The following TBC1D22A variants were observed in gnomAD, a reference collection of about 807,000 sequenced individuals.
The protein encoded by TBC1D22A is TBC1 domain family member 22A, also known as putative GTPase activator.
A neutral mutation model predicts 60.2 loss-of-function variants in TBC1D22A; 38 were observed. The ratio of observed to expected loss-of-function variants is 0.63; its 90% CI spans 0.49 to 0.83. TBC1D22A has a LOEUF of 0.83. Ranked by LOEUF, TBC1D22A falls within the 40% of genes least tolerant of loss-of-function variation. The probability of loss-of-function intolerance (pLI) is 0.00; values close to 1 mark genes in which losing one functional copy is unlikely to be tolerated. For missense variants in TBC1D22A, 628 were observed against 701.0 expected, an observed-to-expected ratio of 0.90 and a Z score of 1.18; for synonymous variants, 302 against 281.7, an observed-to-expected ratio of 1.07 and a Z score of -0.72.
intron 11 of TBC1D22A, among the ~76,000 whole-genome samples, chr22:47,064,708 T>A (rs2063696354): frequency 1.3e-5 from 2 of 152,194 alleles, no homozygotes; most frequent in Non-Finnish European, 2.9e-5. Flanking sequence ...CCTAGGGGCA[T>A]CTGGGTATTC....
At chr22:46,878,340 G>A (rs1175414747) in intron 4 of TBC1D22A, among the ~76,000 whole-genome samples, 11 of 150,752 alleles carry the variant, frequency 7.3e-5, no homozygotes, top group East Asian at 1.9e-4. Flanking sequence ...AGAAGGAGGT[G>A]GGAGGGAAGG....
chr22:47,169,973 C>G (rs2068368291), intron 12 of TBC1D22A, among the ~76,000 whole-genome samples: 1 of 152,212 alleles, frequency 6.6e-6, no homozygotes, highest in African/African-American at 2.4e-5. Context: ...GATGGCTTCG[C>G]CCGTGGTGGC....
intron 12 of TBC1D22A, among the ~76,000 whole-genome samples, chr22:47,171,841 G>C (rs548108336): frequency 6.6e-6 from 1 of 152,106 alleles, no homozygotes; most frequent in African/African-American, 2.4e-5. Flanking sequence ...TCCGCATCCC[G>C]GCCTCCAGAC....
intron 1 of TBC1D22A, among the ~76,000 whole-genome samples, chr22:46,790,428 A>G (rs951616655): frequency 6.6e-6 from 1 of 152,222 alleles, no homozygotes; most frequent in Non-Finnish European, 1.5e-5. Flanking sequence ...CCCCTTTGCC[A>G]TGTAAGGTGA....
At chr22:47,036,007 C>A (rs2062644414) in intron 10 of TBC1D22A, among the ~76,000 whole-genome samples, 1 of 152,140 alleles carries the variant, frequency 6.6e-6, no homozygotes, top group South Asian at 2.1e-4. Context: ...TTTGCCATTT[C>A]TAGAACTTTC....
intron 12 of TBC1D22A, among the ~76,000 whole-genome samples, chr22:47,122,135 G>A (rs950928982): frequency 1.8e-4 from 28 of 152,190 alleles, no homozygotes; most frequent in African/African-American, 6.0e-4. Context: ...AACACATGAG[G>A]GGCACTGGGG....
chr22:46,877,289 A>G lies in TBC1D22A; in HGVS notation c.638-1364A>G, dbSNP rs190535921. On this transcript the variant is annotated intron_variant, in intron 4 of 12. Transcript: ENST00000337137. ...TCTTTTAACACCAAAGCTTGAGCAG[A>G]GTTTGAGGCTTGTCTCATTATGTAT... is the stretch of plus-strand genomic sequence containing the variant. Among the ~76,000 whole-genome samples, 430 of 152,362 alleles carry G rather than the reference A, an allele frequency of 2.8e-3. 1 individual carries two copies. Among genetic ancestry groups the G allele is most frequent in the Non-Finnish European group, 4.9e-3 (336 of 68,032 alleles).
intron 4 of TBC1D22A, among the ~76,000 whole-genome samples, chr22:46,853,380 G>A (rs1282396028): frequency 2.6e-5 from 4 of 152,346 alleles, no homozygotes; most frequent in East Asian, 3.9e-4. Context: ...CAACCGTACC[G>A]TGGAAGGATG....
At chr22:46,832,105 G>C (rs939796672) in intron 4 of TBC1D22A, among the ~76,000 whole-genome samples, 3 of 152,136 alleles carry the variant, frequency 2.0e-5, no homozygotes, top group African/African-American at 7.2e-5. Flanking sequence ...AATGGTGGGG[G>C]CCCAGCAAGA....
intron 4 of TBC1D22A, among the ~76,000 whole-genome samples, chr22:46,831,490 G>C (rs1441559470): frequency 6.6e-6 from 1 of 152,214 alleles, no homozygotes. Context: ...GGTGTCCTTT[G>C]GTTCAAGATC....
chr22:46,943,866 G>A (rs182770929), intron 8 of TBC1D22A, among the ~76,000 whole-genome samples: 21 of 152,244 alleles, frequency 1.4e-4, no homozygotes, highest in Admixed American at 9.8e-4. Flanking sequence ...GAGGTTCGCC[G>A]GTATTGTAGC....
Position 46,996,603 on chromosome 22 carries a change from A to C in TBC1D22A, c.1126-1031A>C, listed in dbSNP as rs147018796. ...GGCTGGTTATTATTCTGCCTTCCAC[A>C]TTCACTGCTGTTGGGTATAGATTTA... On this transcript the variant is annotated intron_variant, in intron 9 of 12. Transcript: ENST00000337137. Among the ~76,000 whole-genome samples the C allele has an allele frequency of 1.6e-3, 240 of 152,332 alleles. 2 individuals carry two copies. Among genetic ancestry groups the C allele is most frequent in the Middle Eastern group, 3.4e-3 (1 of 294 alleles).
intron 4 of TBC1D22A, among the ~76,000 whole-genome samples, chr22:46,831,193 C>T (rs2086293807): frequency 6.6e-6 from 1 of 152,116 alleles, no homozygotes; most frequent in Non-Finnish European, 1.5e-5. Context: ...GGACAGAGCC[C>T]ACCCCTGACA....
chr22:47,057,160 G>A (rs2063420659), intron 11 of TBC1D22A, among the ~76,000 whole-genome samples: 1 of 152,194 alleles, frequency 6.6e-6, no homozygotes, highest in Non-Finnish European at 1.5e-5. Context: ...GTCATTTTAG[G>A]AAGTCGGTAG....
intron 8 of TBC1D22A, among the ~76,000 whole-genome samples, chr22:46,927,110 G>T (rs1016354170): frequency 6.6e-6 from 1 of 152,116 alleles, no homozygotes; most frequent in Non-Finnish European, 1.5e-5. Flanking sequence ...CTATGTGGCC[G>T]ATATTACTCT....
At chr22:47,108,194 T>C (rs2065707057) in intron 11 of TBC1D22A, among the ~76,000 whole-genome samples, 1 of 152,240 alleles carries the variant, frequency 6.6e-6, no homozygotes, top group Non-Finnish European at 1.5e-5. Context: ...GCTGTTCTAT[T>C]CCTAAGTATT....
chr22:47,156,554 C>T (rs2067727047), intron 12 of TBC1D22A, among the ~76,000 whole-genome samples: 1 of 152,120 alleles, frequency 6.6e-6, no homozygotes, highest in African/African-American at 2.4e-5. Context: ...GAGTGAACAC[C>T]AGGATGGGCA....
At chr22:47,027,702 C>T (rs1262658535) in intron 10 of TBC1D22A, among the ~76,000 whole-genome samples, 2 of 152,200 alleles carry the variant, frequency 1.3e-5, no homozygotes, top group Non-Finnish European at 2.9e-5. Context: ...GGAATAATGG[C>T]CAAACCCTCA....
At chr22:46,806,782 C>T (rs539807234) in intron 4 of TBC1D22A, among the ~76,000 whole-genome samples, 9 of 152,188 alleles carry the variant, frequency 5.9e-5, no homozygotes, top group Admixed American at 1.3e-4. Flanking sequence ...CCTGAGAGGG[C>T]GGAGGTGAGT....
Sources: gnomAD v4.1 joint callset for allele counts (sites outside exome capture counted in the v4.1 genomes callset) on GRCh38, gnomAD v4.1.1 for gene constraint, MANE v1.5 for transcripts, NCBI Gene and HGNC (gene_info 2026-07-23, HGNC 2026-07-21) for gene names.